Variants in DOCK2 observed in about 807,000 individuals in gnomAD.
DOCK2 encodes dedicator of cytokinesis protein 2.
DOCK2 carries 87 observed loss-of-function variants against 248.9 expected under a neutral mutation model. That is an observed-to-expected ratio of 0.35 (90% CI 0.29 to 0.42). The LOEUF (loss-of-function observed/expected upper bound fraction) is 0.42, where lower values mean the gene tolerates loss of function less well. DOCK2 is among the 10% of genes least tolerant of loss of function. DOCK2 has a pLI of 1.00. For missense variants in DOCK2, 1,747 were observed against 2,300.2 expected (o/e 0.76, Z 4.92); for synonymous variants, 805 against 821.6 (o/e 0.98, Z 0.35).
intron 27 of DOCK2, among the ~76,000 whole-genome samples, chr5:169,945,793 G>A (rs1164763568): frequency 6.6e-6 from 1 of 152,194 alleles, no homozygotes; most frequent in East Asian, 1.9e-4. Flanking sequence ...AGCACCTCTG[G>A]CTTTTGCTTA....
At chr5:169,648,848 G>A (rs1228586504) in intron 1 of DOCK2, among the ~76,000 whole-genome samples, 1 of 152,204 alleles carries the variant, frequency 6.6e-6, no homozygotes, top group African/African-American at 2.4e-5. Flanking sequence ...CTCTCCTGGT[G>A]GGTGGAGGAA....
At chr5:169,775,060 C>A (rs1362397152) in intron 25 of DOCK2, among the ~76,000 whole-genome samples, 1 of 152,174 alleles carries the variant, frequency 6.6e-6, no homozygotes, top group Admixed American at 6.5e-5. Context: ...AGGCATGAGC[C>A]ACCATGCCTG....
intron 8 of DOCK2, among the ~76,000 whole-genome samples, chr5:169,688,303 A>G (rs1393460388): frequency 1.3e-5 from 2 of 152,134 alleles, no homozygotes; most frequent in Non-Finnish European, 2.9e-5. Context: ...TGCCTGAAGC[A>G]TTTCCCTTTC....
chr5:169,822,163 A>G (rs1768495255), intron 26 of DOCK2, among the ~76,000 whole-genome samples: 3 of 152,222 alleles, frequency 2.0e-5, no homozygotes, highest in African/African-American at 7.2e-5. Flanking sequence ...CCACACAATA[A>G]TAATGGGAGA....
chr5:169,716,248 C>T lies in DOCK2; in HGVS notation c.1977C>T (p.Ile659=). The T allele has an allele frequency of 6.2e-7, 1 of 1,613,778 alleles. No individual in the cohort carries two copies. Among genetic ancestry groups the T allele is most frequent in the Non-Finnish European group, 8.5e-7 (1 of 1,179,748 alleles). ...ATACTCTGGATGCCCTCTTCAACATCATGATGGAGCATTCTCAAAGTGATG... is the reference window on the plus strand; with the variant it reads ...ATACTCTGGATGCCCTCTTCAACATTATGATGGAGCATTCTCAAAGTGATG... The part of the protein sequence containing the change: ...LQDTLDALFN[I]MMEHSQSDEY... The change falls in exon 20 of 52, where the codon ATC becomes ATT. Residue 659 remains isoleucine, a synonymous_variant. Coordinates refer to ENST00000520908, the MANE Select transcript of DOCK2 (RefSeq NM_004946.3).
chr5:169,824,727 C>A (rs542367298), intron 26 of DOCK2, among the ~76,000 whole-genome samples: 83 of 152,176 alleles, frequency 5.5e-4, no homozygotes, highest in African/African-American at 1.9e-3. Context: ...AGACTTCATG[C>A]CTAAAACACC....
At chr5:169,799,402 A>G (rs145447284) in intron 25 of DOCK2, among the ~76,000 whole-genome samples, 7 of 152,350 alleles carry the variant, frequency 4.6e-5, no homozygotes, top group African/African-American at 1.4e-4. Context: ...AGTTATTCGT[A>G]TCCCAATGAC....
At chr5:169,773,077 C>G (rs1334838027) in intron 25 of DOCK2, 1 of 152,202 alleles carries the variant, frequency 6.6e-6, no homozygotes, top group African/African-American at 2.4e-5. Flanking sequence ...TAGCCAGCAC[C>G]AAAACGTCCC....
intron 27 of DOCK2, among the ~76,000 whole-genome samples, chr5:169,900,608 G>A (rs1773869784): frequency 6.6e-6 from 1 of 152,182 alleles, no homozygotes; most frequent in South Asian, 2.1e-4. Flanking sequence ...GTAATATTAA[G>A]AGTATTGACT....
At chr5:169,882,361 A>G (rs188919366) in intron 27 of DOCK2, among the ~76,000 whole-genome samples, 1 of 152,322 alleles carries the variant, frequency 6.6e-6, no homozygotes, top group Non-Finnish European at 1.5e-5. Flanking sequence ...ATCCACAGAA[A>G]TCCACCAAAG....
At chr5:169,746,663 C>T (rs1763631793) in intron 22 of DOCK2, among the ~76,000 whole-genome samples, 1 of 152,168 alleles carries the variant, frequency 6.6e-6, no homozygotes, top group South Asian at 2.1e-4. Context: ...GGGTTGATAA[C>T]AGGCAGGTAC....
intron 27 of DOCK2, among the ~76,000 whole-genome samples, chr5:169,889,107 T>G (rs1372878108): frequency 6.6e-6 from 1 of 152,212 alleles, no homozygotes; most frequent in African/African-American, 2.4e-5. Context: ...GAGGGTCTTA[T>G]ATAAACTCTT....
chr5:169,985,828 G>A lies in DOCK2; in HGVS notation c.2899G>A (p.Asp967Asn). 1 of 1,606,674 alleles carries A rather than the reference G, an allele frequency of 6.2e-7. No homozygotes were observed. The highest frequency in any genetic ancestry group is 1.1e-5 in the South Asian group (1 of 89,810). ...TGTGTGCTGTGCTTCATTGTTTCAG[G>A]ACTTCTTGATGGAGACCTTCATCAT... is the stretch of plus-strand genomic sequence containing the variant. ...ETFQTSSELV[D>N]FLMETFIMFK... The change falls in exon 29 of 52, where the codon GAC becomes AAC. Residue 967 changes from aspartate to asparagine, a missense_variant and splice_region_variant. Asp to Asn is a conservative substitution (Grantham distance 23, BLOSUM62 1). Transcript: ENST00000520908.
intron 13 of DOCK2, among the ~76,000 whole-genome samples, chr5:169,701,908 A>C (rs1423226218): frequency 6.6e-6 from 1 of 152,096 alleles, no homozygotes; most frequent in Admixed American, 6.5e-5. Context: ...AAGTTGCTCT[A>C]TTCTGCTCCT....
chr5:169,930,111 C>G (rs1775674162), intron 27 of DOCK2, among the ~76,000 whole-genome samples: 1 of 152,188 alleles, frequency 6.6e-6, no homozygotes, highest in African/African-American at 2.4e-5. Flanking sequence ...CTGCCTCAGC[C>G]TCCCGAGTAG....
At chr5:169,778,117 G>A (rs1042758314) in intron 25 of DOCK2, among the ~76,000 whole-genome samples, 2 of 152,216 alleles carry the variant, frequency 1.3e-5, no homozygotes, top group Non-Finnish European at 2.9e-5. Flanking sequence ...GCTCCTGGAT[G>A]GTGGGAACCT....
At chr5:169,874,582 G>A (rs150847214) in intron 27 of DOCK2, among the ~76,000 whole-genome samples, 28 of 152,232 alleles carry the variant, frequency 1.8e-4, no homozygotes, top group African/African-American at 4.6e-4. Context: ...TAGTGGTAAT[G>A]GTCAGCATTT....
chr5:169,847,238 A>G (rs1318412618), intron 27 of DOCK2, among the ~76,000 whole-genome samples: 1 of 152,236 alleles, frequency 6.6e-6, no homozygotes, highest in African/African-American at 2.4e-5. Flanking sequence ...ATTGAATGGT[A>G]GATCTACTTT....
At chr5:169,738,774 C>A (rs1366499846) in intron 22 of DOCK2, among the ~76,000 whole-genome samples, 1 of 152,074 alleles carries the variant, frequency 6.6e-6, no homozygotes, top group Non-Finnish European at 1.5e-5. Flanking sequence ...AATAGTTTAC[C>A]TAAAGATGAG....
Sources: gnomAD v4.1 joint callset for allele counts (sites outside exome capture counted in the v4.1 genomes callset) on GRCh38, gnomAD v4.1.1 for gene constraint, MANE v1.5 for transcripts, NCBI Gene and HGNC (gene_info 2026-07-23, HGNC 2026-07-21) for gene names.